Variants in SPAG16 observed in about 807,000 individuals in gnomAD.
The protein encoded by SPAG16 is sperm-associated antigen 16 protein.
SPAG16 carries 86 observed loss-of-function variants against 80.4 expected under a neutral mutation model. The observed-to-expected ratio is 1.07, with a 90% CI of 0.90 to 1.28. The LOEUF (loss-of-function observed/expected upper bound fraction) is 1.28, where lower values mean the gene tolerates loss of function less well. Among genes scored for constraint, SPAG16 ranks in the 50% most tolerant of loss-of-function variants. SPAG16 has a pLI of 0.00. For synonymous variants in SPAG16, 294 were observed against 265.9 expected (o/e 1.11, Z -1.03); for missense variants, 870 against 765.3 (o/e 1.14, Z -1.61).
intron 15 of SPAG16, among the ~76,000 whole-genome samples, chr2:214,189,349 A>C (rs2057584364): frequency 6.6e-6 from 1 of 152,074 alleles, no homozygotes; most frequent in Admixed American, 6.6e-5. Context: ...AAAAATCACC[A>C]AAGCTATTAA....
intron 10 of SPAG16, among the ~76,000 whole-genome samples, chr2:213,631,130 T>C (rs1388324145): frequency 6.6e-6 from 1 of 152,096 alleles, no homozygotes; most frequent in Non-Finnish European, 1.5e-5. Context: ...CATGACTTGT[T>C]TCTGAATCAG....
chr2:213,303,568 T>G (rs1027691921), intron 3 of SPAG16, among the ~76,000 whole-genome samples: 1 of 152,070 alleles, frequency 6.6e-6, no homozygotes, highest in Non-Finnish European at 1.5e-5. Context: ...TGCTCTAGAC[T>G]CTGCCTTCGT....
At chr2:214,035,471 C>T (rs2048647758) in intron 13 of SPAG16, among the ~76,000 whole-genome samples, 1 of 152,210 alleles carries the variant, frequency 6.6e-6, no homozygotes, top group South Asian at 2.1e-4. Flanking sequence ...CCCTCACATA[C>T]TTGTTGGTGC....
chr2:213,607,561 AG>A (rs1435436708), intron 10 of SPAG16, among the ~76,000 whole-genome samples: 1 of 152,214 alleles, frequency 6.6e-6, no homozygotes, highest in Admixed American at 6.5e-5. Context: ...GAGTGCTAGT[AG>A]GTATTATTGT....
intron 10 of SPAG16, among the ~76,000 whole-genome samples, chr2:213,809,220 T>A (rs1001243561): frequency 1.3e-5 from 2 of 152,166 alleles, no homozygotes; most frequent in African/African-American, 4.8e-5. Flanking sequence ...TGCTTGCCAA[T>A]TATTAGGAAT....
chr2:213,986,986 A>C (rs1197366788), intron 12 of SPAG16, among the ~76,000 whole-genome samples: 1 of 151,960 alleles, frequency 6.6e-6, no homozygotes, highest in Non-Finnish European at 1.5e-5. Context: ...GGAAAAAACA[A>C]AATGCTACAA....
At chr2:213,539,115 A>G (rs1484263804) in intron 10 of SPAG16, among the ~76,000 whole-genome samples, 1 of 152,174 alleles carries the variant, frequency 6.6e-6, no homozygotes, top group African/African-American at 2.4e-5. Context: ...GGGTTTGAAC[A>G]ATGAGTGATA....
Position 214,208,468 on chromosome 2 carries a change from G to T in SPAG16, c.1720+59202G>T, listed in dbSNP as rs75365682. ...CTGTGTAGACATGCTCAAAGTAAAG[G>T]CTTTGAGTGCTGAATCTTTTTCAAA... is the stretch of plus-strand genomic sequence containing the variant. On this transcript the variant is annotated intron_variant, in intron 15 of 15. Coordinates refer to ENST00000331683, the MANE Select transcript of SPAG16 (RefSeq NM_024532.5). 8.0e-3 allele frequency among the ~76,000 whole-genome samples: 1,225 copies of T among 152,186 alleles called. 19 individuals carry two copies. The highest frequency in any genetic ancestry group is 0.028 in the African/African-American group (1,151 of 41,512).
At position 214,133,522 on chromosome 2, in the gene SPAG16, T is replaced by C. The variant is rs148532781; in HGVS notation, c.1594-15618T>C. Among the ~76,000 whole-genome samples the C allele has an allele frequency of 5.9e-5, 9 of 152,152 alleles. No homozygotes were observed. In the East Asian group the frequency reaches 1.7e-3, roughly 30 times the overall value. ...AAATACAAAAATTATCCAGGCGTGA[T>C]GATGCATGCCTGTAATCCCAGCTAC... On this transcript the variant is annotated intron_variant, in intron 14 of 15. Transcript: ENST00000331683.
intron 10 of SPAG16, among the ~76,000 whole-genome samples, chr2:213,669,194 T>C (rs1019679615): frequency 3.9e-5 from 6 of 152,238 alleles, no homozygotes; most frequent in African/African-American, 1.2e-4. Context: ...TCTTAACTCA[T>C]AGATATGATG....
intron 15 of SPAG16, among the ~76,000 whole-genome samples, chr2:214,169,633 G>C (rs558399798): frequency 2.6e-5 from 4 of 151,998 alleles, no homozygotes; most frequent in Non-Finnish European, 5.9e-5. Flanking sequence ...GTCTAGCAGA[G>C]AGTATGGTAA....
At chr2:213,757,579 A>G (rs561880297) in intron 10 of SPAG16, among the ~76,000 whole-genome samples, 10 of 152,302 alleles carry the variant, frequency 6.6e-5, no homozygotes, top group Admixed American at 2.0e-4. Context: ...TCTGATATAT[A>G]ACTATTTTGG....
intron 15 of SPAG16, among the ~76,000 whole-genome samples, chr2:214,188,364 C>A (rs1349870929): frequency 1.3e-5 from 2 of 152,128 alleles, no homozygotes; most frequent in Admixed American, 1.3e-4. Context: ...ATTTGCCAAG[C>A]ACTGTATTAC....
intron 12 of SPAG16, among the ~76,000 whole-genome samples, chr2:214,008,557 C>T (rs1024302544): frequency 3.3e-5 from 5 of 151,938 alleles, no homozygotes; most frequent in African/African-American, 1.2e-4. Context: ...CCAGCCTGGC[C>T]GACATGGTGA....
At chr2:214,070,214 A>G (rs1187182497) in intron 13 of SPAG16, among the ~76,000 whole-genome samples, 1 of 151,648 alleles carries the variant, frequency 6.6e-6, no homozygotes, top group East Asian at 1.9e-4. Context: ...AAGTATGTTT[A>G]TGCTTCTGTG....
At chr2:214,323,003 T>C (rs751740419) in intron 15 of SPAG16, among the ~76,000 whole-genome samples, 4 of 152,206 alleles carry the variant, frequency 2.6e-5, no homozygotes, top group Non-Finnish European at 5.9e-5. Context: ...GGAGTCTTTT[T>C]TGGGCACTCT....
chr2:214,195,899 T>C (rs1047540222), intron 15 of SPAG16, among the ~76,000 whole-genome samples: 21 of 152,012 alleles, frequency 1.4e-4, no homozygotes, highest in Non-Finnish European at 7.4e-5. Flanking sequence ...AAACAACTGC[T>C]ATCTTCCAGG....
At chr2:213,996,010 T>C (rs1050274312) in intron 12 of SPAG16, among the ~76,000 whole-genome samples, 2 of 152,220 alleles carry the variant, frequency 1.3e-5, no homozygotes, top group Non-Finnish European at 2.9e-5. Context: ...CTTTCAGAGA[T>C]AACTAGCATG....
chr2:213,984,851 G>A (rs779578469), intron 12 of SPAG16, among the ~76,000 whole-genome samples: 4 of 151,968 alleles, frequency 2.6e-5, no homozygotes, highest in Non-Finnish European at 4.4e-5. Context: ...CCTCAGTGAC[G>A]TTACTGTACC....
Sources: allele counts gnomAD v4.1 joint callset (sites outside exome capture counted in the v4.1 genomes callset), GRCh38; gene constraint gnomAD v4.1.1; transcripts MANE v1.5; gene names NCBI Gene and HGNC (gene_info 2026-07-23, HGNC 2026-07-21).